The following ESR1 variants were observed in gnomAD, a reference collection of about 807,000 sequenced individuals.
ESR1 encodes the protein estrogen receptor.
In ESR1, 12 loss-of-function variants were observed where a neutral mutation model predicts 52.7. The observed-to-expected ratio is 0.23, with a 90% CI of 0.15 to 0.37. The LOEUF is 0.37. Among genes scored for constraint, ESR1 ranks in the 10% least tolerant of loss-of-function variants. The probability of loss-of-function intolerance (pLI) is 1.00; values close to 1 mark genes in which losing one functional copy is unlikely to be tolerated. For missense variants in ESR1, 584 were observed against 779.7 expected (o/e 0.75, Z 2.99); for synonymous variants, 305 against 316.8 (o/e 0.96, Z 0.39).
At chr6:151,981,509 T>C (rs2128675483) in intron 4 of ESR1, among the ~76,000 whole-genome samples, 1 of 152,306 alleles carries the variant, frequency 6.6e-6, no homozygotes, top group South Asian at 2.1e-4. Context: ...AAGGCTAAAG[T>C]TGCTATATTA....
At chr6:151,958,861 G>A (rs1487046576) in intron 4 of ESR1, among the ~76,000 whole-genome samples, 2 of 152,182 alleles carry the variant, frequency 1.3e-5, no homozygotes, top group African/African-American at 4.8e-5. Flanking sequence ...CGAGCCAACA[G>A]CTTTGATGTC....
In ESR1 at chr6:152,127,428, A is replaced by G. The variant is rs375163662; in HGVS notation, c.*2080A>G. ...ATAATTGAAACACATTAAGTACTAA[A>G]TGAATGTCAGCAGCTTATCACTATT... is the stretch of plus-strand genomic sequence containing the variant. On this transcript the variant is annotated 3_prime_UTR_variant, in exon 7 of 7. Coordinates refer to the ESR1 transcript ENST00000427531. 4 of 152,324 alleles carry G rather than the reference A, an allele frequency of 2.6e-5. No individual in the cohort carries two copies. In the South Asian group the frequency reaches 8.3e-4, roughly 32 times the overall value. The allele number at this position is 152,324 out of a possible 1,614,324, so 9.4% of individuals were successfully genotyped here.
intron 1 of ESR1, among the ~76,000 whole-genome samples, chr6:151,672,525 C>T (rs766364013): frequency 1.3e-5 from 2 of 151,720 alleles, no homozygotes; most frequent in Non-Finnish European, 2.9e-5. Flanking sequence ...TTAGCAGAGT[C>T]GGGGTTTCGC....
At chr6:151,818,835 C>A (rs1780091928) in intron 1 of ESR1, among the ~76,000 whole-genome samples, 1 of 151,486 alleles carries the variant, frequency 6.6e-6, no homozygotes, top group South Asian at 2.1e-4. Flanking sequence ...ATATATATAC[C>A]TGGTATACAT....
At chr6:151,722,629 C>T (rs971641512) in intron 2 of ESR1, among the ~76,000 whole-genome samples, 1 of 152,176 alleles carries the variant, frequency 6.6e-6, no homozygotes, top group African/African-American at 2.4e-5. Context: ...TTGCATATAG[C>T]CACTGGGGCA....
chr6:152,052,534 A>G (rs2046769080), intron 5 of ESR1, among the ~76,000 whole-genome samples: 1 of 152,208 alleles, frequency 6.6e-6, no homozygotes, highest in South Asian at 2.1e-4. Context: ...GCATTAAAAC[A>G]TCAGAGTTGA....
At chr6:151,868,635 G>A (rs1445920990) in intron 2 of ESR1, among the ~76,000 whole-genome samples, 1 of 152,098 alleles carries the variant, frequency 6.6e-6, no homozygotes, top group Non-Finnish European at 1.5e-5. Flanking sequence ...CAAATGACAC[G>A]ATTTCATTCT....
chr6:152,005,633 T>C (rs1356636652), intron 4 of ESR1, among the ~76,000 whole-genome samples: 1 of 152,084 alleles, frequency 6.6e-6, no homozygotes, highest in Non-Finnish European at 1.5e-5. Flanking sequence ...CTGGGACATC[T>C]GCTAACCCCT....
At chr6:151,880,470 C>T (rs372406590) in intron 2 of ESR1, among the ~76,000 whole-genome samples, 185 bp from the exon 3 acceptor site, 5 of 152,094 alleles carry the variant, frequency 3.3e-5, no homozygotes, top group African/African-American at 4.8e-5. Context: ...CATGAGCCAC[C>T]GTGCCCGGCC....
chr6:151,766,264 C>T (rs545651849), intron 2 of ESR1, among the ~76,000 whole-genome samples: 31 of 152,228 alleles, frequency 2.0e-4, no homozygotes, highest in Non-Finnish European at 3.7e-4. Flanking sequence ...AGGTGGATTT[C>T]CTGAAGACCA....
intron 4 of ESR1, among the ~76,000 whole-genome samples, chr6:151,953,437 G>A (rs745676715): frequency 3.3e-5 from 5 of 152,048 alleles, no homozygotes; most frequent in Non-Finnish European, 5.9e-5. Flanking sequence ...AAAACAGTGA[G>A]GACCGGCCAG....
chr6:151,828,236 C>G (rs1781831276), intron 1 of ESR1, among the ~76,000 whole-genome samples: 1 of 152,120 alleles, frequency 6.6e-6, no homozygotes, highest in African/African-American at 2.4e-5. Context: ...TCATTTGAAT[C>G]GAATTGAACT....
At chr6:151,704,705 C>T (rs1032383845) in intron 2 of ESR1, among the ~76,000 whole-genome samples, 14 of 152,278 alleles carry the variant, frequency 9.2e-5, no homozygotes, top group Middle Eastern at 3.4e-3. Context: ...TTTCTGCTCT[C>T]CATGGCACTT....
chr6:151,913,867 T>C (rs1354360232), intron 3 of ESR1, among the ~76,000 whole-genome samples: 1 of 152,148 alleles, frequency 6.6e-6, no homozygotes, highest in Non-Finnish European at 1.5e-5. Context: ...AAAAAATGAT[T>C]CCTTTTTGTG....
intron 1 of ESR1, among the ~76,000 whole-genome samples, chr6:151,667,574 A>G (rs1385861637): frequency 6.6e-6 from 1 of 152,192 alleles, no homozygotes; most frequent in Non-Finnish European, 1.5e-5. Flanking sequence ...ACTCAAGAAG[A>G]CAGGGATGTT....
intron 2 of ESR1, among the ~76,000 whole-genome samples, chr6:151,863,375 G>A (rs941167397): frequency 6.6e-6 from 1 of 152,120 alleles, no homozygotes; most frequent in Admixed American, 6.6e-5. Context: ...TTGTAAGGTG[G>A]ATTCCTAGGT....
At chr6:151,795,673 A>G (rs562936476) in intron 2 of ESR1, among the ~76,000 whole-genome samples, 1 of 152,284 alleles carries the variant, frequency 6.6e-6, no homozygotes, top group African/African-American at 2.4e-5. Context: ...ATTTGGTTAC[A>G]TCTACCAAAA....
intron 4 of ESR1, among the ~76,000 whole-genome samples, chr6:151,999,452 G>A (rs1448524707): frequency 6.6e-6 from 1 of 152,026 alleles, no homozygotes; most frequent in Admixed American, 6.6e-5. Flanking sequence ...TACTAGATTT[G>A]TACTGAAACC....
chr6:151,666,160 G>A (rs935966429), intron 1 of ESR1, among the ~76,000 whole-genome samples: 1 of 152,144 alleles, frequency 6.6e-6, no homozygotes, highest in South Asian at 2.1e-4. Flanking sequence ...GGGAAGAAAA[G>A]CTACATTGGA....
Sources: allele counts gnomAD v4.1 joint callset (sites outside exome capture counted in the v4.1 genomes callset), GRCh38; gene constraint gnomAD v4.1.1; transcripts MANE v1.5; gene names NCBI Gene and HGNC (gene_info 2026-07-23, HGNC 2026-07-21).